IGFL4: variants seen among roughly 807,000 people sequenced by gnomAD.
IGFL4 encodes insulin growth factor-like family member 4.
Under a neutral mutation model 15.4 loss-of-function variants are expected in IGFL4, and 12 were observed. That is an observed-to-expected ratio of 0.78 (90% CI 0.50 to 1.26). The LOEUF (loss-of-function observed/expected upper bound fraction) is 1.26. Ranked by LOEUF, IGFL4 falls within the 50% of genes most tolerant of loss-of-function variation. The pLI, the probability that IGFL4 is intolerant of heterozygous loss-of-function variation, is 0.00. For missense variants in IGFL4, 126 were observed against 147.8 expected, an observed-to-expected ratio of 0.85 and a Z score of 0.76; for synonymous variants, 54 against 55.9, an observed-to-expected ratio of 0.97 and a Z score of 0.16.
At chr19:46,065,959 C>T (rs751394288) in intron 1 of IGFL4, among the ~76,000 whole-genome samples, 10 of 152,266 alleles carry the variant, frequency 6.6e-5, no homozygotes, top group African/African-American at 1.9e-4. Flanking sequence ...AATGTCAAAA[C>T]GGCCATGAAG....
At chr19:46,075,078 TTAAAGAA>T (rs72155395) in intron 1 of IGFL4, among the ~76,000 whole-genome samples, 63,270 of 151,440 alleles carry the variant, frequency 0.42, 15,127 homozygotes, top group Non-Finnish European at 0.54. Flanking sequence ...TTTCAATAGT[TTAAAGAA>T]TAATTTATTT....
chr19:46,053,113 CT>C (rs1969362955), intron 2 of IGFL4, among the ~76,000 whole-genome samples: 3 of 152,054 alleles, frequency 2.0e-5, no homozygotes, highest in Admixed American at 2.0e-4. Context: ...TTGGGGTTGG[CT>C]AATAATAACA....
upstream of IGFL4, among the ~76,000 whole-genome samples, chr19:46,041,837 C>CTTT (rs11334515): frequency 6.8e-4 from 75 of 109,862 alleles, no homozygotes; most frequent in African/African-American, 2.4e-3. Flanking sequence ...TCCTCTCTCT[C>CTTT]TTTTTTTTTT....
chr19:46,065,816 T>C (rs909730978), intron 1 of IGFL4, among the ~76,000 whole-genome samples: 5 of 152,222 alleles, frequency 3.3e-5, no homozygotes, highest in African/African-American at 1.2e-4. Context: ...TTGCCCTATA[T>C]TGATATATTT....
intron 1 of IGFL4, among the ~76,000 whole-genome samples, chr19:46,065,173 C>T (rs553860832): frequency 3.9e-5 from 6 of 152,124 alleles, no homozygotes; most frequent in Non-Finnish European, 8.8e-5. Flanking sequence ...GTTTGAGCTC[C>T]TTAGGTATTG....
At chr19:46,061,768 G>T (rs1221597934) in intron 1 of IGFL4, among the ~76,000 whole-genome samples, 1 of 152,116 alleles carries the variant, frequency 6.6e-6, no homozygotes, top group African/African-American at 2.4e-5. Context: ...GTCTGGGTGG[G>T]GGGAAAGGGC....
chr19:46,063,385 C>G (rs1360361170), intron 1 of IGFL4, among the ~76,000 whole-genome samples: 1 of 151,496 alleles, frequency 6.6e-6, no homozygotes, highest in Non-Finnish European at 1.5e-5. Flanking sequence ...TCCCTCTGTC[C>G]TCTTTTATGT....
chr19:46,052,925 G>A (rs1425775755), intron 2 of IGFL4, among the ~76,000 whole-genome samples: 1 of 115,666 alleles, frequency 8.6e-6, no homozygotes, highest in Non-Finnish European at 1.7e-5. Context: ...CCCAGGGCTC[G>A]AAGTAGTGGG....
intron 1 of IGFL4, among the ~76,000 whole-genome samples, chr19:46,067,212 C>T (rs764044802): frequency 4.6e-5 from 7 of 152,194 alleles, no homozygotes; most frequent in Non-Finnish European, 1.0e-4. Flanking sequence ...TCAATTCCAA[C>T]CCCAGCCCCA....
intron 1 of IGFL4, among the ~76,000 whole-genome samples, chr19:46,076,312 G>A (rs897587450): frequency 1.3e-5 from 2 of 152,168 alleles, no homozygotes; most frequent in Non-Finnish European, 2.9e-5. Flanking sequence ...CAATACCACC[G>A]AATTCATTTC....
At chr19:46,041,953 C>T (rs1969249367), upstream of IGFL4, among the ~76,000 whole-genome samples, 2 of 151,702 alleles carry the variant, frequency 1.3e-5, no homozygotes, top group South Asian at 4.2e-4. Context: ...ATCCTCCCAC[C>T]TCAGCCTCTT....
In IGFL4 at chr19:46,040,073, C is replaced by A. The variant is rs1969221960; in HGVS notation, c.330+84G>T. 2 of 1,550,478 alleles carry A rather than the reference C, an allele frequency of 1.3e-6. No homozygotes were observed. Among genetic ancestry groups the A allele is most frequent in the South Asian group, 1.1e-5 (1 of 89,314 alleles). ...GGGAAGGTATGGAACCCAGCAGAGA[C>A]TGCACATCTGGGTGGGACATGGACA... On this transcript the variant is annotated intron_variant, in intron 3 of 3. Transcript: ENST00000377697. The surrounding 1 kb of genome is among the most constrained non-coding windows in gnomAD (Gnocchi z 4.1).
At chr19:46,074,837 C>A (rs1468325773) in intron 1 of IGFL4, among the ~76,000 whole-genome samples, 1 of 152,190 alleles carries the variant, frequency 6.6e-6, no homozygotes, top group Non-Finnish European at 1.5e-5. Context: ...TCAATCCAAT[C>A]GAGTTGACAG....
At position 46,053,620 on chromosome 19, in the gene IGFL4, T is replaced by C. The variant is rs1407737566; in HGVS notation, c.-323+6565A>G. Reference sequence around the variant, plus strand: ...TCTCTTAGATATACTGATTTCCTTTTTTGTGTGTGATAAATGCCCAGTAGT... The same window carrying C: ...TCTCTTAGATATACTGATTTCCTTTCTTGTGTGTGATAAATGCCCAGTAGT... On this transcript the variant is annotated intron_variant, in intron 2 of 5. Coordinates refer to the IGFL4 transcript ENST00000601672. Among the ~76,000 whole-genome samples the C allele has an allele frequency of 3.9e-5, 6 of 152,196 alleles. No homozygotes were observed. The East Asian group carries it at 1.2e-3, about 29-fold the overall frequency.
At position 46,040,457 on chromosome 19, in the gene IGFL4, A is replaced by AG. The variant is rs758153984; in HGVS notation, c.71-42dup. On this transcript the variant is annotated intron_variant, in intron 2 of 3. Transcript: ENST00000377697. This position sits in a 1 kb window ranked among gnomAD's most constrained non-coding sequence, Gnocchi z 4.1. The stretch of plus-strand genomic sequence containing the variant: ...CTGGATGGGCTGCAAGGACCAGCCT[A>AG]GGACCACCTCCCCACCAACCTTAAT... 1.2e-6 allele frequency: 2 copies of AG among 1,613,852 alleles called. No individual in the cohort carries two copies. The highest frequency in any genetic ancestry group is 1.1e-5 in the South Asian group (1 of 91,088).
intron 2 of IGFL4, among the ~76,000 whole-genome samples, chr19:46,052,966 G>GAAAAAAAAA (rs71175255): frequency 1.8e-5 from 2 of 112,458 alleles, no homozygotes; most frequent in Non-Finnish European, 1.8e-5. Flanking sequence ...AGTCAGAAAA[G>GAAAAAAAAA]AAAAAAAAAA....
chr19:46,050,681 C>T (rs1969337138), intron 2 of IGFL4, among the ~76,000 whole-genome samples: 1 of 152,122 alleles, frequency 6.6e-6, no homozygotes, highest in African/African-American at 2.4e-5. Context: ...TATTAAACGT[C>T]CCAACCTAAG....
Position 46,040,835 on chromosome 19 carries a change from G to A in IGFL4, c.19+109C>T. 1.8e-6 allele frequency: 2 copies of A among 1,082,048 alleles called. No individual in the cohort carries two copies. The highest frequency in any genetic ancestry group is 2.8e-6 in the Non-Finnish European group (2 of 722,462). 67.0% of individuals were successfully genotyped at this position (1,082,048 alleles called of 1,614,324 possible). On this transcript the variant is annotated intron_variant, in intron 1 of 3. Transcript: ENST00000377697. The surrounding 1 kb of genome is among the most constrained non-coding windows in gnomAD (Gnocchi z 4.1). ...ATGACATAGCAGTGATTATGAGGTG[G>A]GACACCAATAATTAAATAGGGAAGA...
At chr19:46,054,412 T>C (rs991696458) in intron 2 of IGFL4, among the ~76,000 whole-genome samples, 4 of 152,196 alleles carry the variant, frequency 2.6e-5, no homozygotes, top group African/African-American at 7.2e-5. Flanking sequence ...ATCAGTTGGC[T>C]ATAGATACTT....
Sources: gnomAD v4.1 joint callset for allele counts (sites outside exome capture counted in the v4.1 genomes callset) on GRCh38, gnomAD v4.1.1 for gene constraint, Gnocchi (gnomAD v3.1) non-coding constraint, MANE v1.5 for transcripts, NCBI Gene and HGNC (gene_info 2026-07-23, HGNC 2026-07-21) for gene names.